The following PRMT3 variants were observed in gnomAD, a reference collection of about 807,000 sequenced individuals.
PRMT3 encodes the protein protein arginine methyltransferase 3.
Under a neutral mutation model 71.9 loss-of-function variants are expected in PRMT3, and 62 were observed. The observed-to-expected ratio is 0.86, with a 90% CI of 0.70 to 1.07. PRMT3 has a LOEUF of 1.07. Ranked by LOEUF, PRMT3 falls within the 50% of genes least tolerant of loss-of-function variation. The pLI is 0.00. For missense variants in PRMT3, 663 were observed against 643.0 expected, an observed-to-expected ratio of 1.03 and a Z score of -0.34; for synonymous variants, 213 against 220.4, an observed-to-expected ratio of 0.97 and a Z score of 0.30.
chr11:20,407,837 A>G (rs1363223676), intron 8 of PRMT3, 74 bp from the exon 9 acceptor site: 1 of 1,389,114 alleles, frequency 7.2e-7, no homozygotes, highest in African/African-American at 1.5e-5. Flanking sequence ...ACATCATAAT[A>G]TATGAATAGA....
At chr11:20,465,221 AAT>A (rs940677314) in intron 13 of PRMT3, among the ~76,000 whole-genome samples, 3 of 152,202 alleles carry the variant, frequency 2.0e-5, no homozygotes, top group African/African-American at 7.2e-5. Flanking sequence ...AGATTATTAA[AAT>A]ATAAAAAATT....
In PRMT3 at chr11:20,462,137, G is replaced by T. The variant is rs1165102940; in HGVS notation, c.1230G>T (p.Lys410Asn). ...PEAVVEVLDPKTLISEPCGIK... is the reference protein window; with the variant it reads ...PEAVVEVLDPNTLISEPCGIK... ...CTGTTGTGGAAGTTTTAGATCCGAAGACTCTTATTTCAGAACCTTGTGGTA... is the reference window on the plus strand; with the variant it reads ...CTGTTGTGGAAGTTTTAGATCCGAATACTCTTATTTCAGAACCTTGTGGTA... The change falls in exon 12 of 16, where the codon AAG (lysine) becomes AAT (asparagine). Residue 410 changes from lysine (K) to asparagine (N), a missense_variant. Lys to Asn is a moderately conservative substitution (Grantham distance 94). Coordinates refer to ENST00000331079, the MANE Select transcript of PRMT3 (RefSeq NM_005788.4). 2 of 1,611,494 alleles carry T rather than the reference G, an allele frequency of 1.2e-6. No homozygotes were observed. Among genetic ancestry groups the T allele is most frequent in the Admixed American group, 3.3e-5 (2 of 59,976 alleles).
intron 7 of PRMT3, among the ~76,000 whole-genome samples, chr11:20,400,872 T>A (rs1302155471): frequency 6.6e-6 from 1 of 152,152 alleles, no homozygotes; most frequent in Non-Finnish European, 1.5e-5. Context: ...TTTCTGTTTA[T>A]TGTTGATTTG....
intron 10 of PRMT3, among the ~76,000 whole-genome samples, chr11:20,442,522 T>C (rs1849931904): frequency 6.6e-6 from 1 of 152,206 alleles, no homozygotes; most frequent in South Asian, 2.1e-4. Context: ...TTCACCCTTA[T>C]GCAAAAGTTA....
chr11:20,477,692 CCTT>C (rs940391480), intron 13 of PRMT3, among the ~76,000 whole-genome samples: 8 of 152,026 alleles, frequency 5.3e-5, no homozygotes, highest in African/African-American at 1.9e-4. Flanking sequence ...GAAACAAATA[CCTT>C]CTTCTTTCTA....
chr11:20,483,915 A>G (rs1851008627), intron 13 of PRMT3, among the ~76,000 whole-genome samples: 1 of 152,234 alleles, frequency 6.6e-6, no homozygotes, highest in Non-Finnish European at 1.5e-5. Context: ...ATGAGGGAAT[A>G]TTTCTCTGAA....
chr11:20,483,604 G>A (rs1850999110), intron 13 of PRMT3, among the ~76,000 whole-genome samples: 1 of 151,446 alleles, frequency 6.6e-6, no homozygotes, highest in Admixed American at 6.6e-5. Context: ...ATTCAAACAT[G>A]GACTGAACAC....
At position 20,493,927 on chromosome 11, in the gene PRMT3, T is replaced by C. The variant is rs1370474465; in HGVS notation, c.1356T>C (p.Ala452=). Residue 452 remains alanine (A), a synonymous_variant, in exon 14 of 16, where the codon GCT becomes GCC. Coordinates refer to ENST00000331079, the MANE Select transcript of PRMT3 (RefSeq NM_005788.4). ...CTTTTTTTAAAAAACAGGCAATTGC[T>C]GGCTACTTTGATATATATTTTGAGA... ...ITRTSMCTAI[A]GYFDIYFEKN... 1 of 1,583,500 alleles carries C rather than the reference T, an allele frequency of 6.3e-7. No homozygotes were observed. The highest frequency in any genetic ancestry group is 8.6e-7 in the Non-Finnish European group (1 of 1,158,356).
chr11:20,455,253 C>G (rs181083860), intron 11 of PRMT3, among the ~76,000 whole-genome samples: 17 of 152,158 alleles, frequency 1.1e-4, no homozygotes, highest in Non-Finnish European at 2.4e-4. Flanking sequence ...CTCCATCTCA[C>G]AAAAATTGGA....
rs1394431958 is a variant in PRMT3, at chr11:20,424,788, T to C, written c.894-1978T>C. On this transcript the variant is annotated intron_variant, in intron 9 of 15. Transcript: ENST00000331079. ...CTGTACATAAATCTGACAGAATTTA[T>C]GTCCAGAATATGTAAAGAACTCTTA... Among the ~76,000 whole-genome samples the C allele has an allele frequency of 2.0e-5, 3 of 152,354 alleles. No individual in the cohort carries two copies. In the East Asian group the frequency reaches 5.8e-4, roughly 29 times the overall value.
At chr11:20,445,572 C>T (rs1850007649) in intron 10 of PRMT3, among the ~76,000 whole-genome samples, 1 of 152,044 alleles carries the variant, frequency 6.6e-6, no homozygotes, top group African/African-American at 2.4e-5. Flanking sequence ...ATTGCATAAA[C>T]TTACAGGTAC....
At chr11:20,395,704 C>A (rs1848809408) in intron 5 of PRMT3, 99 bp from the exon 6 acceptor site, 2 of 1,154,900 alleles carry the variant, frequency 1.7e-6, no homozygotes, top group Non-Finnish European at 1.2e-6. Context: ...TCTCAATTGG[C>A]CACATAGTAG....
intron 14 of PRMT3, 50 bp from the exon 15 acceptor site, chr11:20,494,117 T>C (rs763487474): frequency 5.2e-5 from 79 of 1,515,120 alleles, no homozygotes; most frequent in Non-Finnish European, 5.4e-5. Context: ...TGTACCATGA[T>C]ATTAAAAATC....
chr11:20,425,020 C>T (rs948354300), intron 9 of PRMT3, among the ~76,000 whole-genome samples: 4 of 151,460 alleles, frequency 2.6e-5, no homozygotes, highest in Admixed American at 2.0e-4. Flanking sequence ...GAGAGGATCA[C>T]TTGAGCTTGA....
At chr11:20,494,583 C>A (rs936246717) in intron 15 of PRMT3, among the ~76,000 whole-genome samples, 3 of 152,178 alleles carry the variant, frequency 2.0e-5, no homozygotes, top group Non-Finnish European at 2.9e-5. Flanking sequence ...CCTCGGCCCC[C>A]CCAAAGTGCT....
intron 13 of PRMT3, among the ~76,000 whole-genome samples, chr11:20,477,802 AC>A (rs147395508): frequency 0.42 from 49,161 of 116,340 alleles, 9,832 homozygotes; most frequent in African/African-American, 0.49. Flanking sequence ...CTTAGGAGAA[AC>A]CCCCCCCCCC....
intron 7 of PRMT3, 88 bp from the exon 8 acceptor site, chr11:20,402,831 T>C (rs1408911634): frequency 6.4e-6 from 6 of 941,428 alleles, no homozygotes; most frequent in East Asian, 2.5e-5. Flanking sequence ...AAACTAGCAA[T>C]GTGTGTTAAT....
At chr11:20,441,307 ATT>A (rs1565213826) in intron 10 of PRMT3, among the ~76,000 whole-genome samples, 1 of 143,690 alleles carries the variant, frequency 7.0e-6, no homozygotes, top group African/African-American at 2.7e-5. Context: ...TTATTTATTT[ATT>A]TATTTATATA....
At chr11:20,407,811 C>A in intron 8 of PRMT3, 100 bp from the exon 9 acceptor site, 1 of 1,245,070 alleles carries the variant, frequency 8.0e-7, no homozygotes, top group Non-Finnish European at 1.1e-6. Context: ...TTATTGTGAT[C>A]TTTTCCTAGC....
Sources: allele counts gnomAD v4.1 joint callset (sites outside exome capture counted in the v4.1 genomes callset), GRCh38; gene constraint gnomAD v4.1.1; transcripts MANE v1.5; gene names NCBI Gene and HGNC (gene_info 2026-07-23, HGNC 2026-07-21).